The following MARCHF8 variants were observed in gnomAD, a reference collection of about 807,000 sequenced individuals.
MARCHF8 encodes the protein E3 ubiquitin-protein ligase MARCHF8.
Under a neutral mutation model 51.6 loss-of-function variants are expected in MARCHF8, and 40 were observed. The observed-to-expected ratio is 0.77, with a 90% CI of 0.60 to 1.01. MARCHF8 has a LOEUF of 1.01. Ranked by LOEUF, MARCHF8 falls within the 50% of genes least tolerant of loss-of-function variation. The pLI is 0.00. For missense variants in MARCHF8, 685 were observed against 708.6 expected (o/e 0.97, Z 0.38); for synonymous variants, 263 against 280.3 (o/e 0.94, Z 0.62).
intron 1 of MARCHF8, among the ~76,000 whole-genome samples, chr10:45,571,462 C>T (rs1257998829): frequency 6.6e-6 from 1 of 152,152 alleles, no homozygotes; most frequent in Non-Finnish European, 1.5e-5. Context: ...ACCCTTTCTC[C>T]CTTTGCTGAC....
At chr10:45,566,916 T>C (rs927769820) in intron 1 of MARCHF8, among the ~76,000 whole-genome samples, 2 of 152,154 alleles carry the variant, frequency 1.3e-5, no homozygotes, top group Non-Finnish European at 2.9e-5. Context: ...TGTATGAGGG[T>C]TTCCTTTTCT....
intron 1 of MARCHF8, among the ~76,000 whole-genome samples, chr10:45,582,918 G>A (rs944933751): frequency 6.6e-6 from 1 of 152,116 alleles, no homozygotes; most frequent in African/African-American, 2.4e-5. Flanking sequence ...ATTTCTTATT[G>A]ATTTCACTAA....
chr10:45,588,998 CA>C (rs72350925), intron 1 of MARCHF8, among the ~76,000 whole-genome samples: 20,361 of 87,030 alleles, frequency 0.23, 793 homozygotes, highest in African/African-American at 0.35. Context: ...GACTACGTTT[CA>C]AAAAAAAAAA....
chr10:45,484,960 G>A (rs2042953743), intron 3 of MARCHF8, among the ~76,000 whole-genome samples: 1 of 151,108 alleles, frequency 6.6e-6, no homozygotes, highest in East Asian at 1.9e-4. Flanking sequence ...AGAAGCATTA[G>A]GAATTCTACT....
intron 3 of MARCHF8, among the ~76,000 whole-genome samples, chr10:45,468,918 C>T (rs1406604782): frequency 1.3e-5 from 2 of 151,958 alleles, no homozygotes; most frequent in Non-Finnish European, 2.9e-5. Flanking sequence ...TGACAACTGC[C>T]CTCAGGATGA....
chr10:45,524,460 G>A (rs918957409), intron 2 of MARCHF8, among the ~76,000 whole-genome samples: 23 of 152,178 alleles, frequency 1.5e-4, no homozygotes, highest in African/African-American at 4.8e-4. Context: ...CCAGGTATGA[G>A]AAAATTAATC....
chr10:45,559,431 G>A (rs572615700), intron 1 of MARCHF8, among the ~76,000 whole-genome samples: 8 of 152,126 alleles, frequency 5.3e-5, no homozygotes, highest in South Asian at 2.1e-4. Flanking sequence ...GCACAATCTC[G>A]GCTCACTGCA....
Position 45,455,482 on chromosome 10 carries a change from A to AT in MARCHF8, c.*2756dup, listed in dbSNP as rs1842572414. ...CCAGGCCTCCTGGCCCTGAGACCTC[A>AT]TTCTGGGTTTCTATATGGGTCAACC... is the stretch of plus-strand genomic sequence containing the variant. On this transcript the variant is annotated 3_prime_UTR_variant, in exon 8 of 8. Transcript: ENST00000453424. The AT allele has an allele frequency of 6.7e-6, 1 of 150,022 alleles. No homozygotes were observed. Among genetic ancestry groups the AT allele is most frequent in the African/African-American group, 2.4e-5 (1 of 40,974 alleles). 9.3% of individuals were successfully genotyped at this position (150,022 alleles called of 1,614,324 possible).
At chr10:45,535,045 C>A (rs1441386691) in intron 1 of MARCHF8, among the ~76,000 whole-genome samples, 166 bp downstream of exon 1, 1 of 151,964 alleles carries the variant, frequency 6.6e-6, no homozygotes, top group Admixed American at 6.6e-5. Flanking sequence ...ATAATAACAA[C>A]AAAAAAAGGA....
chr10:45,511,497 C>T (rs1370786404), intron 2 of MARCHF8, among the ~76,000 whole-genome samples: 1 of 152,338 alleles, frequency 6.6e-6, no homozygotes, highest in Non-Finnish European at 1.5e-5. Context: ...CGGCTCACTG[C>T]AACCTCCCTG....
chr10:45,470,964 C>CCATTCTGTG, intron 3 of MARCHF8, among the ~76,000 whole-genome samples: 1 of 152,184 alleles, frequency 6.6e-6, no homozygotes, highest in Non-Finnish European at 1.5e-5. Flanking sequence ...AGAAAAGAGG[C>CCATTCTGTG]CATTCTGTGG....
intron 3 of MARCHF8, among the ~76,000 whole-genome samples, chr10:45,470,420 AAT>A (rs1230593816): frequency 4.6e-5 from 7 of 152,294 alleles, no homozygotes; most frequent in African/African-American, 1.7e-4. Context: ...TTGCGGTATC[AAT>A]CTCTCTGACT....
rs957224249 is a variant in MARCHF8, at chr10:45,576,906, A to C, written c.-79+17329T>G. Among the ~76,000 whole-genome samples the C allele has an allele frequency of 4.6e-5, 7 of 151,896 alleles. No individual in the cohort carries two copies. The South Asian group carries it at 1.2e-3, about 27-fold the overall frequency. ...CAGGAAGTCAAGGCTACAGTGAGCT[A>C]CAATTGCACCACTGCACTCCAGCCT... On this transcript the variant is annotated intron_variant, in intron 1 of 6. Transcript: ENST00000319836.
Position 45,461,253 on chromosome 10 carries a change from G to C in MARCHF8, c.1247C>G (p.Thr416Ser). The C allele has an allele frequency of 6.5e-7, 1 of 1,545,536 alleles. No homozygotes were observed. Among genetic ancestry groups the C allele is most frequent in the South Asian group, 1.2e-5 (1 of 83,322 alleles). Residue 416 changes from threonine (T) to serine (S), a missense_variant, in exon 6 of 8, where the codon ACC becomes AGC. Transcript: ENST00000453424. ...ELCKYEFIME[T>S]KLKPLRKWEK... ...TACTTTTCTCAGTGGCTTCAGCTTGGTCTCCATGATGAACTCATACTTGCA... is the reference window on the plus strand; with the variant it reads ...TACTTTTCTCAGTGGCTTCAGCTTGCTCTCCATGATGAACTCATACTTGCA...
In MARCHF8 at chr10:45,524,076, G is replaced by A. The variant is rs143546375; in HGVS notation, c.102+9034C>T. On this transcript the variant is annotated intron_variant, in intron 2 of 7. Transcript: ENST00000453424. ...CTCAAAGTTGCACATAATTTTATCT[G>A]CATTTAAGCTTCAAAAATCTATATA... is the stretch of plus-strand genomic sequence containing the variant. Among the ~76,000 whole-genome samples, 94 of 152,262 alleles carry A rather than the reference G, an allele frequency of 6.2e-4. No homozygotes were observed. The South Asian group carries it at 8.7e-3, about 14-fold the overall frequency.
intron 2 of MARCHF8, among the ~76,000 whole-genome samples, chr10:45,503,265 C>G (rs573404009): frequency 6.6e-6 from 1 of 152,072 alleles, no homozygotes; most frequent in African/African-American, 2.4e-5. Flanking sequence ...TGGCCGGGCA[C>G]GGTGGCTCAC....
chr10:45,552,699 G>A (rs2044209014), intron 1 of MARCHF8, among the ~76,000 whole-genome samples: 1 of 152,190 alleles, frequency 6.6e-6, no homozygotes, highest in Non-Finnish European at 1.5e-5. Context: ...GTGAACTGGT[G>A]CTATCATTCG....
chr10:45,540,450 A>G (rs1438487705), intron 1 of MARCHF8, among the ~76,000 whole-genome samples: 1 of 152,234 alleles, frequency 6.6e-6, no homozygotes, highest in Non-Finnish European at 1.5e-5. Context: ...TGTTAGACCT[A>G]AAACCATAAA....
At chr10:45,499,157 G>A (rs2043230584) in intron 2 of MARCHF8, among the ~76,000 whole-genome samples, 1 of 152,180 alleles carries the variant, frequency 6.6e-6, no homozygotes, top group South Asian at 2.1e-4. Context: ...TGGTTGTAAA[G>A]TGGTATCTCA....
Sources: gnomAD v4.1 joint callset for allele counts (sites outside exome capture counted in the v4.1 genomes callset) on GRCh38, gnomAD v4.1.1 for gene constraint, MANE v1.5 for transcripts, NCBI Gene and HGNC (gene_info 2026-07-23, HGNC 2026-07-21) for gene names.